Variants in CNTN4 observed in about 807,000 individuals in gnomAD.
CNTN4 encodes contactin-4.
CNTN4 carries 77 observed loss-of-function variants against 122.5 expected under a neutral mutation model. The observed-to-expected ratio is 0.63, with a 90% CI of 0.52 to 0.76. The LOEUF is 0.76. CNTN4 is among the 30% of genes least tolerant of loss of function. CNTN4 has a pLI of 0.00. For missense variants in CNTN4, 1,256 were observed against 1,259.1 expected, an observed-to-expected ratio of 1.00 and a Z score of 0.04; for synonymous variants, 512 against 447.0, an observed-to-expected ratio of 1.15 and a Z score of -1.83.
chr3:2,837,860 A>G (rs148177943), intron 7 of CNTN4, among the ~76,000 whole-genome samples: 4 of 152,310 alleles, frequency 2.6e-5, no homozygotes, highest in Non-Finnish European at 5.9e-5. Flanking sequence ...CAGATACCAT[A>G]CCAAATTTGC....
intron 2 of CNTN4, among the ~76,000 whole-genome samples, chr3:2,127,521 A>G (rs966561585): frequency 5.3e-5 from 8 of 152,056 alleles, no homozygotes; most frequent in African/African-American, 1.9e-4. Flanking sequence ...TCTTTTCTCT[A>G]TTACTTTTTT....
At chr3:2,142,633 G>C (rs2035052513) in intron 2 of CNTN4, among the ~76,000 whole-genome samples, 1 of 152,218 alleles carries the variant, frequency 6.6e-6, no homozygotes, top group South Asian at 2.1e-4. Context: ...GCAAGCCACT[G>C]TGCCTGGCTG....
intron 3 of CNTN4, among the ~76,000 whole-genome samples, chr3:2,482,335 T>G (rs1257255969): frequency 6.6e-6 from 1 of 152,078 alleles, no homozygotes; most frequent in Non-Finnish European, 1.5e-5. Flanking sequence ...GAGAGCTGAT[T>G]TAGGGTACCT....
chr3:2,492,788 A>G (rs752408864), intron 3 of CNTN4, among the ~76,000 whole-genome samples: 4 of 152,174 alleles, frequency 2.6e-5, no homozygotes, highest in Non-Finnish European at 4.4e-5. Flanking sequence ...GTCTTTGTTG[A>G]TATCGTTTAG....
At chr3:2,641,571 A>G (rs969725293) in intron 4 of CNTN4, among the ~76,000 whole-genome samples, 3 of 152,122 alleles carry the variant, frequency 2.0e-5, no homozygotes, top group African/African-American at 7.2e-5. Flanking sequence ...CTTATTGTCA[A>G]CTGCTTCACA....
At chr3:2,748,847 C>A (rs555626203) in intron 6 of CNTN4, among the ~76,000 whole-genome samples, 36 of 152,296 alleles carry the variant, frequency 2.4e-4, no homozygotes, top group African/African-American at 7.7e-4. Flanking sequence ...TTTATGCCTT[C>A]TACTGTACTT....
At chr3:2,493,458 T>C (rs1462946782) in intron 3 of CNTN4, among the ~76,000 whole-genome samples, 1 of 150,628 alleles carries the variant, frequency 6.6e-6, no homozygotes, top group African/African-American at 2.4e-5. Flanking sequence ...GCCTCCCTCA[T>C]TTTACAGGGC....
At chr3:2,118,552 G>A (rs1477113379) in intron 2 of CNTN4, among the ~76,000 whole-genome samples, 1 of 152,172 alleles carries the variant, frequency 6.6e-6, no homozygotes, top group African/African-American at 2.4e-5. Flanking sequence ...TAGTAGATTG[G>A]TAATTTGTGC....
intron 14 of CNTN4, among the ~76,000 whole-genome samples, chr3:2,989,193 A>G (rs1355149936): frequency 2.6e-5 from 4 of 152,206 alleles, no homozygotes; most frequent in African/African-American, 7.2e-5. Context: ...TTCACTTTAT[A>G]TATTGCCCTG....
At chr3:2,430,616 C>CAAAAAAAAA (rs10662868) in intron 3 of CNTN4, among the ~76,000 whole-genome samples, 1 of 103,348 alleles carries the variant, frequency 9.7e-6, no homozygotes, top group Non-Finnish European at 1.9e-5. Context: ...AGCAAATTAC[C>CAAAAAAAAA]AAAAAAAAAA....
At chr3:2,183,728 G>T (rs2037123718) in intron 2 of CNTN4, among the ~76,000 whole-genome samples, 1 of 152,038 alleles carries the variant, frequency 6.6e-6, no homozygotes. Context: ...TATATAACTG[G>T]AATAATGGTT....
At chr3:2,605,843 G>C (rs1383060496) in intron 4 of CNTN4, among the ~76,000 whole-genome samples, 1 of 152,174 alleles carries the variant, frequency 6.6e-6, no homozygotes, top group Non-Finnish European at 1.5e-5. Context: ...TTGAATTCTA[G>C]TTAAAGAAGA....
At chr3:2,409,213 TA>T (rs1180342542) in intron 3 of CNTN4, among the ~76,000 whole-genome samples, 12 of 151,742 alleles carry the variant, frequency 7.9e-5, no homozygotes. Flanking sequence ...TTACTTTTTT[TA>T]AAGTTCTGAG....
chr3:2,133,636 T>C (rs1457154368), intron 2 of CNTN4, among the ~76,000 whole-genome samples: 1 of 152,220 alleles, frequency 6.6e-6, no homozygotes, highest in African/African-American at 2.4e-5. Flanking sequence ...AACATTATCC[T>C]TAATATTTAC....
intron 4 of CNTN4, among the ~76,000 whole-genome samples, chr3:2,636,215 T>C (rs1347707273): frequency 6.6e-6 from 1 of 152,134 alleles, no homozygotes; most frequent in Admixed American, 6.5e-5. Context: ...AACAAAAGCT[T>C]CCACCACCTA....
At chr3:2,476,668 T>C (rs2075843127) in intron 3 of CNTN4, among the ~76,000 whole-genome samples, 1 of 152,184 alleles carries the variant, frequency 6.6e-6, no homozygotes, top group African/African-American at 2.4e-5. Flanking sequence ...CGTGGAGGAT[T>C]GACTGCAGAG....
At chr3:2,724,690 G>A (rs565399697) in intron 4 of CNTN4, among the ~76,000 whole-genome samples, 1 of 152,308 alleles carries the variant, frequency 6.6e-6, no homozygotes, top group East Asian at 1.9e-4. Flanking sequence ...TAACATGAAA[G>A]TACTGCCTGC....
intron 2 of CNTN4, among the ~76,000 whole-genome samples, chr3:2,265,791 CT>C (rs2041020233): frequency 6.7e-6 from 1 of 149,790 alleles, no homozygotes; most frequent in Non-Finnish European, 1.5e-5. Context: ...TCTTCCATGT[CT>C]TTGGTTAAAT....
At chr3:3,037,903 G>T (rs749699203) in intron 18 of CNTN4, among the ~76,000 whole-genome samples, 1 of 152,150 alleles carries the variant, frequency 6.6e-6, no homozygotes, top group Non-Finnish European at 1.5e-5. Context: ...GAATGAGCAC[G>T]GGGAGAGAAG....
Sources: gnomAD v4.1 joint callset for allele counts (sites outside exome capture counted in the v4.1 genomes callset) on GRCh38, gnomAD v4.1.1 for gene constraint, MANE v1.5 for transcripts, NCBI Gene and HGNC (gene_info 2026-07-23, HGNC 2026-07-21) for gene names.